Variants in CATSPERT observed in about 807,000 individuals in gnomAD.
CATSPERT encodes catsper channel auxiliary subunit tau.
chr2:201,592,702 A>G, the CATSPERT span, among the ~76,000 whole-genome samples: 3 of 152,104 alleles, frequency 2.0e-5, no homozygotes, highest in Admixed American at 1.3e-4. Flanking sequence ...TTCCTGGTTT[A>G]GTCTTGGGAG....
At chr2:201,548,039 G>A in the CATSPERT span, among the ~76,000 whole-genome samples, 22 of 152,106 alleles carry the variant, frequency 1.4e-4, no homozygotes, top group Admixed American at 2.0e-4. Context: ...TAGACTGGGT[G>A]ACTTAAACAA....
the CATSPERT span, chr2:201,487,927 A>G: frequency 6.6e-7 from 1 of 1,524,712 alleles, no homozygotes; most frequent in Non-Finnish European, 8.8e-7. Flanking sequence ...AAAAGATCCA[A>G]TTGGTAAATT....
chr2:201,503,589 G>C, the CATSPERT span, among the ~76,000 whole-genome samples: 1 of 151,960 alleles, frequency 6.6e-6, no homozygotes, highest in African/African-American at 2.4e-5. Flanking sequence ...GTAGACACAG[G>C]GTCTTGCTTT....
chr2:201,564,653 C>T, the CATSPERT span, among the ~76,000 whole-genome samples: 1 of 152,042 alleles, frequency 6.6e-6, no homozygotes, highest in Admixed American at 6.6e-5. Context: ...GATTGGTACT[C>T]TTATGATAAG....
chr2:201,519,029 T>G, the CATSPERT span, among the ~76,000 whole-genome samples: 771 of 152,308 alleles, frequency 5.1e-3, 5 homozygotes, highest in Non-Finnish European at 6.5e-3. Flanking sequence ...TACATTCAGA[T>G]GTAGGAACAA....
the CATSPERT span, among the ~76,000 whole-genome samples, chr2:201,543,455 C>G: frequency 2.0e-5 from 3 of 152,134 alleles, no homozygotes; most frequent in African/African-American, 7.2e-5. Context: ...GAACATTTTT[C>G]AGAGTATTAA....
At chr2:201,610,459 A>T in the CATSPERT span, among the ~76,000 whole-genome samples, 1 of 4,500 alleles carries the variant, frequency 2.2e-4, no homozygotes, top group South Asian at 0.1. Context: ...CTCCGTCTCA[A>T]AAAAAAAAAA....
chr2:201,594,090 T>A, the CATSPERT span, among the ~76,000 whole-genome samples: 1 of 152,236 alleles, frequency 6.6e-6, no homozygotes, highest in Non-Finnish European at 1.5e-5. Flanking sequence ...TCTTTACATT[T>A]TGGCATGATT....
chr2:201,595,192 T>C, the CATSPERT span, among the ~76,000 whole-genome samples: 3 of 5,148 alleles, frequency 5.8e-4, no homozygotes, highest in African/African-American at 7.6e-4. Context: ...GTTTTCCTTC[T>C]TTTTTTTTTT....
At chr2:201,586,982 C>T in the CATSPERT span, among the ~76,000 whole-genome samples, 1 of 152,004 alleles carries the variant, frequency 6.6e-6, no homozygotes, top group African/African-American at 2.4e-5. Context: ...TGGCTCCCTC[C>T]CTCTCTTTCT....
chr2:201,570,537 T>C, the CATSPERT span, among the ~76,000 whole-genome samples: 1 of 152,234 alleles, frequency 6.6e-6, no homozygotes, highest in African/African-American at 2.4e-5. Flanking sequence ...TTAATCATTA[T>C]AGTAACTCAA....
the CATSPERT span, among the ~76,000 whole-genome samples, chr2:201,616,108 A>G: frequency 6.6e-6 from 1 of 152,364 alleles, no homozygotes; most frequent in Non-Finnish European, 1.5e-5. Context: ...ACGGATTCAC[A>G]GCCAAATTCT....
At chr2:201,593,251 T>C in the CATSPERT span, among the ~76,000 whole-genome samples, 20 of 151,586 alleles carry the variant, frequency 1.3e-4, no homozygotes, top group Non-Finnish European at 2.5e-4. Context: ...CCAGTAGTCA[T>C]TCAGGAGCAG....
chr2:201,595,174 G>A, the CATSPERT span, among the ~76,000 whole-genome samples: 3 of 145,108 alleles, frequency 2.1e-5, no homozygotes, highest in African/African-American at 7.5e-5. Flanking sequence ...TGTCCTTTCT[G>A]TTTGTTAGTT....
chr2:201,604,254 A>G, the CATSPERT span, among the ~76,000 whole-genome samples: 3 of 151,960 alleles, frequency 2.0e-5, no homozygotes, highest in African/African-American at 7.2e-5. Flanking sequence ...AGACTTTAGC[A>G]TGATCTAGCA....
the CATSPERT span, chr2:201,554,087 A>G: frequency 1.3e-5 from 2 of 152,312 alleles, no homozygotes; most frequent in Admixed American, 6.5e-5. Context: ...GGTAAGCATA[A>G]TTACCAATAT....
chr2:201,512,389 G>A, the CATSPERT span, among the ~76,000 whole-genome samples: 1 of 152,098 alleles, frequency 6.6e-6, no homozygotes, highest in African/African-American at 2.4e-5. Context: ...TTAAGACCTA[G>A]ACATTTCCAC....
chr2:201,493,639 C>G, the CATSPERT span: 1 of 1,537,220 alleles, frequency 6.5e-7, no homozygotes, highest in Non-Finnish European at 8.7e-7. Flanking sequence ...TGACAAACTT[C>G]TCTTCCAAGG....
At chr2:201,616,845 G>A in the CATSPERT span, among the ~76,000 whole-genome samples, 1 of 152,174 alleles carries the variant, frequency 6.6e-6, no homozygotes, top group Admixed American at 6.5e-5. Flanking sequence ...AAGCTGATAA[G>A]CAACTTCAGC....
Sources: allele counts gnomAD v4.1 joint callset (sites outside exome capture counted in the v4.1 genomes callset), GRCh38; gene constraint gnomAD v4.1.1; transcripts MANE v1.5; gene names NCBI Gene and HGNC (gene_info 2026-07-23, HGNC 2026-07-21).